The following NAALADL2 variants were observed in gnomAD, a reference collection of about 807,000 sequenced individuals.
NAALADL2 encodes N-acetylated alpha-linked acidic dipeptidase like 2.
NAALADL2 carries 76 observed loss-of-function variants against 87.2 expected under a neutral mutation model. That is an observed-to-expected ratio of 0.87 (90% CI 0.72 to 1.05). NAALADL2 has a LOEUF of 1.05. Among genes scored for constraint, NAALADL2 ranks in the 50% least tolerant of loss-of-function variants. The pLI, the probability that NAALADL2 is intolerant of heterozygous loss-of-function variation, is 0.00. For synonymous variants in NAALADL2, 354 were observed against 331.0 expected (o/e 1.07, Z -0.75); for missense variants, 1,089 against 945.8 (o/e 1.15, Z -1.99).
intron 4 of NAALADL2, among the ~76,000 whole-genome samples, chr3:175,291,058 C>T (rs1413473411): frequency 6.6e-6 from 1 of 152,058 alleles, no homozygotes; most frequent in Admixed American, 6.6e-5. Flanking sequence ...TTGTAATTAA[C>T]TATTTTACCA....
Position 175,807,603 on chromosome 3 carries a change from T to C in NAALADL2, c.*4400T>C, listed in dbSNP as rs1283137378. On this transcript the variant is annotated 3_prime_UTR_variant, in exon 14 of 14. Transcript: ENST00000454872. ...AATTATTTTAAACTACCAATCCATA[T>C]GTTGAGTGGAAAGGAAGTTGGCCCA... is the stretch of plus-strand genomic sequence containing the variant. 1 of 151,894 alleles carries C rather than the reference T, an allele frequency of 6.6e-6. No homozygotes were observed. The highest frequency in any genetic ancestry group is 1.5e-5 in the Non-Finnish European group (1 of 67,894). 9.4% of individuals were successfully genotyped at this position (151,894 alleles called of 1,614,324 possible). A position where few individuals can be genotyped will look rare whatever the true frequency, so the allele number is the denominator to read the frequency against.
At chr3:175,060,047 A>AGCT in intron 1 of NAALADL2, 1 of 354,016 alleles carries the variant, frequency 2.8e-6, no homozygotes, top group Non-Finnish European at 5.7e-6. Context: ...GCTGTATTTG[A>AGCT]GAGCTGGGTA....
At chr3:175,248,964 T>A (rs1208660402) in intron 3 of NAALADL2, among the ~76,000 whole-genome samples, 2 of 152,112 alleles carry the variant, frequency 1.3e-5, no homozygotes, top group African/African-American at 4.8e-5. Context: ...TATATAGTTC[T>A]ATCAGAATCA....
chr3:174,826,763 T>C (rs1722047554), intron 3 of NAALADL2, among the ~76,000 whole-genome samples: 1 of 152,160 alleles, frequency 6.6e-6, no homozygotes, highest in Non-Finnish European at 1.5e-5. Context: ...GAAAAATAAA[T>C]CATTTTGTTT....
chr3:174,887,799 A>G (rs2109768775), intron 1 of NAALADL2, among the ~76,000 whole-genome samples: 1 of 151,560 alleles, frequency 6.6e-6, no homozygotes, highest in South Asian at 2.1e-4. Flanking sequence ...CTGTCTCAAA[A>G]AAATTATTTT....
chr3:175,765,955 ACT>A (rs1374148804), intron 13 of NAALADL2, among the ~76,000 whole-genome samples: 1 of 152,024 alleles, frequency 6.6e-6, no homozygotes, highest in Non-Finnish European at 1.5e-5. Context: ...AAAAACCACC[ACT>A]CTTTCTACTA....
chr3:175,259,235 A>G (rs1416562314), intron 4 of NAALADL2, among the ~76,000 whole-genome samples: 2 of 152,206 alleles, frequency 1.3e-5, no homozygotes, highest in African/African-American at 2.4e-5. Context: ...AGGTAAGAGT[A>G]TAGTTAATAC....
intron 4 of NAALADL2, among the ~76,000 whole-genome samples, chr3:175,311,207 A>T (rs551235167): frequency 6.9e-6 from 1 of 145,910 alleles, no homozygotes; most frequent in Non-Finnish European, 1.5e-5. Flanking sequence ...GGAACTATAT[A>T]CTCAATCTAG....
intron 2 of NAALADL2, among the ~76,000 whole-genome samples, chr3:174,621,568 G>A (rs666327): frequency 0.64 from 97,345 of 151,336 alleles, 32,449 homozygotes; most frequent in East Asian, 0.86. Context: ...CATGTAATGA[G>A]GAATTTGGTG....
At chr3:175,368,561 A>AT (rs1300685958) in intron 5 of NAALADL2, among the ~76,000 whole-genome samples, 4 of 124,864 alleles carry the variant, frequency 3.2e-5, no homozygotes, top group Non-Finnish European at 5.3e-5. Context: ...GGACTGTAGC[A>AT]GGTGTGTGTG....
chr3:175,722,473 CA>C (rs1648252247), intron 11 of NAALADL2, among the ~76,000 whole-genome samples: 1 of 152,020 alleles, frequency 6.6e-6, no homozygotes, highest in African/African-American at 2.4e-5. Flanking sequence ...GATATGTCCC[CA>C]GTTGTTTAAA....
intron 2 of NAALADL2, among the ~76,000 whole-genome samples, chr3:174,732,084 GATCTA>G (rs1201498004): frequency 1.3e-5 from 2 of 152,084 alleles, no homozygotes; most frequent in South Asian, 4.1e-4. Flanking sequence ...GCCTATCTCT[GATCTA>G]ATTCATCAGT....
intron 1 of NAALADL2, among the ~76,000 whole-genome samples, chr3:174,490,558 C>G (rs1221516445): frequency 1.3e-5 from 2 of 152,044 alleles, no homozygotes; most frequent in African/African-American, 4.8e-5. Context: ...TGAATTAGAT[C>G]TCAATAAAGA....
intron 1 of NAALADL2, among the ~76,000 whole-genome samples, chr3:174,902,509 A>C (rs1732439585): frequency 1.3e-5 from 2 of 152,150 alleles, no homozygotes; most frequent in African/African-American, 4.8e-5. Context: ...ATAACTCAAA[A>C]AGACAATCGC....
At chr3:175,235,677 C>T (rs1745708880) in intron 3 of NAALADL2, 1 of 152,348 alleles carries the variant, frequency 6.6e-6, no homozygotes, top group Non-Finnish European at 1.5e-5. Flanking sequence ...GTTGGCTCAG[C>T]TCATGTCTTC....
intron 11 of NAALADL2, among the ~76,000 whole-genome samples, chr3:175,700,444 A>T (rs1738831419): frequency 6.6e-6 from 1 of 152,188 alleles, no homozygotes; most frequent in Non-Finnish European, 1.5e-5. Context: ...TCTGTTAGGA[A>T]GAGAGTTACC....
intron 5 of NAALADL2, among the ~76,000 whole-genome samples, chr3:175,438,839 T>G (rs1248906835): frequency 7.0e-6 from 1 of 142,950 alleles, no homozygotes; most frequent in Non-Finnish European, 1.5e-5. Context: ...ATTCATTTAT[T>G]TATGTATTTA....
chr3:174,875,594 T>C (rs1728407069), intron 1 of NAALADL2, among the ~76,000 whole-genome samples: 1 of 152,132 alleles, frequency 6.6e-6, no homozygotes, highest in African/African-American at 2.4e-5. Context: ...TCACTTTACA[T>C]CCTAATATAT....
At chr3:174,503,385 G>C (rs1289497996) in intron 1 of NAALADL2, among the ~76,000 whole-genome samples, 1 of 152,006 alleles carries the variant, frequency 6.6e-6, no homozygotes, top group Non-Finnish European at 1.5e-5. Context: ...TTATGCTTAT[G>C]CCAGTCAGTA....
Sources: gnomAD v4.1 joint callset for allele counts (sites outside exome capture counted in the v4.1 genomes callset) on GRCh38, gnomAD v4.1.1 for gene constraint, MANE v1.5 for transcripts, NCBI Gene and HGNC (gene_info 2026-07-23, HGNC 2026-07-21) for gene names.